Variants in COL10A1 observed in about 807,000 individuals in gnomAD.
COL10A1 encodes collagen type X alpha 1 chain.
A neutral mutation model predicts 18.2 loss-of-function variants in COL10A1; 10 were observed. The ratio of observed to expected loss-of-function variants is 0.55; its 90% CI spans 0.34 to 0.93. The LOEUF is 0.93. Ranked by LOEUF, COL10A1 falls within the 40% of genes least tolerant of loss-of-function variation. COL10A1 has a pLI of 0.02. For synonymous variants in COL10A1, 330 were observed against 316.6 expected, an observed-to-expected ratio of 1.04 and a Z score of -0.45; for missense variants, 897 against 853.5, an observed-to-expected ratio of 1.05 and a Z score of -0.64.
the COL10A1 span, among the ~76,000 whole-genome samples, chr6:116,207,561 A>G: frequency 6.6e-6 from 1 of 151,918 alleles, no homozygotes; most frequent in Non-Finnish European, 1.5e-5. Flanking sequence ...ATTGTATTTT[A>G]TTATGATTAT....
At chr6:116,146,984 G>C (rs1477443331) in intron 1 of COL10A1, among the ~76,000 whole-genome samples, 1 of 122,024 alleles carries the variant, frequency 8.2e-6, no homozygotes, top group Non-Finnish European at 1.6e-5. Context: ...TTTTATATAT[G>C]TATAAAATAA....
chr6:116,133,930 T>C (rs1375369938), intron 1 of COL10A1, among the ~76,000 whole-genome samples: 1 of 152,222 alleles, frequency 6.6e-6, no homozygotes, highest in Non-Finnish European at 1.5e-5. Context: ...TAGTGGTTTT[T>C]TTCCCCCAGT....
At chr6:116,130,449 G>GTT (rs34646840), upstream of COL10A1, among the ~76,000 whole-genome samples, 3 of 151,752 alleles carry the variant, frequency 2.0e-5, no homozygotes, top group Non-Finnish European at 2.9e-5. Context: ...GATCCCAGTA[G>GTT]TTTTTTTTAT....
chr6:116,145,800 T>C (rs1160534200), intron 1 of COL10A1, among the ~76,000 whole-genome samples: 1 of 152,252 alleles, frequency 6.6e-6, no homozygotes, highest in Non-Finnish European at 1.5e-5. Context: ...TACTATTTTA[T>C]TTTTAGCAGT....
chr6:116,153,375 G>A (rs941936825), intron 1 of COL10A1, among the ~76,000 whole-genome samples: 1 of 152,016 alleles, frequency 6.6e-6, no homozygotes, highest in Non-Finnish European at 1.5e-5. Flanking sequence ...AATTTAGCTC[G>A]ATTTTAGATC....
intron 1 of COL10A1, among the ~76,000 whole-genome samples, chr6:116,155,714 A>G (rs1399136664): frequency 6.6e-6 from 1 of 150,558 alleles, no homozygotes; most frequent in Non-Finnish European, 1.5e-5. Flanking sequence ...GTGAATAAAC[A>G]ACACTGCATC....
At chr6:116,202,097 AC>A in the COL10A1 span, among the ~76,000 whole-genome samples, 1 of 151,976 alleles carries the variant, frequency 6.6e-6, no homozygotes, top group South Asian at 2.1e-4. Context: ...AGTTGCAGGA[AC>A]TGACTTAAAT....
chr6:116,152,582 C>A (rs1780072591), intron 1 of COL10A1, among the ~76,000 whole-genome samples: 1 of 152,130 alleles, frequency 6.6e-6, no homozygotes, highest in African/African-American at 2.4e-5. Context: ...GGACTTTCAT[C>A]CTCTGTGCTT....
the COL10A1 span, among the ~76,000 whole-genome samples, chr6:116,188,236 C>A: frequency 6.6e-6 from 1 of 151,952 alleles, no homozygotes. Flanking sequence ...CCTTAAACTG[C>A]TGGTGGGAGT....
chr6:116,135,090 G>A (rs988961882), intron 1 of COL10A1, among the ~76,000 whole-genome samples: 1 of 152,118 alleles, frequency 6.6e-6, no homozygotes, highest in Non-Finnish European at 1.5e-5. Context: ...ACTCTTCAAT[G>A]TATTAAAAAT....
intron 1 of COL10A1, among the ~76,000 whole-genome samples, chr6:116,146,737 G>C (rs72952000): frequency 6.6e-6 from 1 of 151,944 alleles, no homozygotes; most frequent in Non-Finnish European, 1.5e-5. Flanking sequence ...AAACTGAATA[G>C]AAAGTTCAGA....
At chr6:116,140,665 C>A (rs1382990382) in intron 1 of COL10A1, among the ~76,000 whole-genome samples, 1 of 151,984 alleles carries the variant, frequency 6.6e-6, no homozygotes, top group Non-Finnish European at 1.5e-5. Context: ...GAAAGTATAC[C>A]ACTCCACATC....
the COL10A1 span, among the ~76,000 whole-genome samples, chr6:116,180,143 G>T: frequency 6.6e-6 from 1 of 151,804 alleles, no homozygotes; most frequent in Non-Finnish European, 1.5e-5. Flanking sequence ...ATTATTAAGG[G>T]CATATATTAT....
chr6:116,141,435 CA>C (rs1247170074), intron 1 of COL10A1, among the ~76,000 whole-genome samples: 1 of 152,034 alleles, frequency 6.6e-6, no homozygotes, highest in Non-Finnish European at 1.5e-5. Context: ...CTCCATTGTT[CA>C]AAATAATTCA....
In COL10A1 at chr6:116,120,389, T is replaced by C. The variant is rs769647563; in HGVS notation, c.1727A>G (p.Tyr576Cys). 2.8e-5 allele frequency: 46 copies of C among 1,614,256 alleles called. No homozygotes were observed. The highest frequency in any genetic ancestry group is 3.3e-5 in the Admixed American group (2 of 60,036). The change falls in exon 3 of 3, where the codon TAT (tyrosine) becomes TGT (cysteine). Residue 576 changes from tyrosine (Y) to cysteine (C), a missense_variant. Tyr to Cys is a radical substitution (Grantham distance 194). Coordinates refer to ENST00000651968, the MANE Select transcript of COL10A1 (RefSeq NM_000493.4). The stretch of plus-strand genomic sequence containing the variant: ...TGGGTCATAATGCTGTTGCCTGTTA[T>C]ACAAAATTTTATCAAATGGTATGGG... ...GTPIPFDKIL[Y>C]NRQQHYDPRT... is the part of the protein sequence containing the mutation.
the COL10A1 span, among the ~76,000 whole-genome samples, chr6:116,196,149 G>T: frequency 6.6e-6 from 1 of 152,070 alleles, no homozygotes; most frequent in East Asian, 1.9e-4. Context: ...AAGGACAGTC[G>T]TCCTTTCCTT....
At chr6:116,208,468 G>A in the COL10A1 span, among the ~76,000 whole-genome samples, 1 of 152,020 alleles carries the variant, frequency 6.6e-6, no homozygotes, top group Non-Finnish European at 1.5e-5. Flanking sequence ...TTACCTGGAG[G>A]CATCTTTGTT....
At chr6:116,190,040 C>A in the COL10A1 span, among the ~76,000 whole-genome samples, 1 of 151,924 alleles carries the variant, frequency 6.6e-6, no homozygotes, top group Non-Finnish European at 1.5e-5. Flanking sequence ...CAGATTATTT[C>A]ATCTCTCTGA....
chr6:116,205,219 A>G, the COL10A1 span, among the ~76,000 whole-genome samples: 1 of 151,978 alleles, frequency 6.6e-6, no homozygotes, highest in Non-Finnish European at 1.5e-5. Context: ...CTAAAACAAA[A>G]CAAAATAGAA....
Sources: gnomAD v4.1 joint callset for allele counts (sites outside exome capture counted in the v4.1 genomes callset) on GRCh38, gnomAD v4.1.1 for gene constraint, MANE v1.5 for transcripts, NCBI Gene and HGNC (gene_info 2026-07-23, HGNC 2026-07-21) for gene names.